HMBOX1: variants seen among roughly 807,000 people sequenced by gnomAD.
HMBOX1 encodes homeobox containing 1.
A neutral mutation model predicts 54.5 loss-of-function variants in HMBOX1; 14 were observed. The ratio of observed to expected loss-of-function variants is 0.26; its 90% CI spans 0.17 to 0.40. The LOEUF is 0.40. Among genes scored for constraint, HMBOX1 ranks in the 10% least tolerant of loss-of-function variants. The probability of loss-of-function intolerance (pLI) is 1.00; values close to 1 mark genes in which losing one functional copy is unlikely to be tolerated. For missense variants in HMBOX1, 332 were observed against 514.4 expected (o/e 0.65, Z 3.43); for synonymous variants, 160 against 181.0 (o/e 0.88, Z 0.93).
intron 4 of HMBOX1, among the ~76,000 whole-genome samples, chr8:29,002,498 C>G (rs912490086): frequency 6.6e-6 from 1 of 152,084 alleles, no homozygotes; most frequent in African/African-American, 2.4e-5. Flanking sequence ...GGTTGGAGGT[C>G]CCTTTGGAGG....
intron 4 of HMBOX1, among the ~76,000 whole-genome samples, chr8:28,983,681 G>A (rs1466300648): frequency 6.6e-6 from 1 of 152,180 alleles, no homozygotes; most frequent in South Asian, 2.1e-4. Flanking sequence ...TGTAAGAGGA[G>A]AACAGGTGAT....
chr8:29,045,298 G>T lies in HMBOX1; in HGVS notation c.852-63G>T, dbSNP rs574711685. ...ACAGAATATATTTTTCAGTGAGTTA[G>T]TGTTTTAATGAGAGTATGTTTGAAA... is the stretch of plus-strand genomic sequence containing the variant. On this transcript the variant is annotated intron_variant, in intron 6 of 9. Transcript: ENST00000287701. 2.1e-4 allele frequency: 257 copies of T among 1,212,106 alleles called. No individual in the cohort carries two copies. In the East Asian group the frequency reaches 3.9e-3, roughly 18 times the overall value. 75.1% of individuals were successfully genotyped at this position (1,212,106 alleles called of 1,614,324 possible).
At chr8:28,964,464 C>T (rs1167995063) in intron 2 of HMBOX1, among the ~76,000 whole-genome samples, 1 of 152,092 alleles carries the variant, frequency 6.6e-6, no homozygotes, top group Non-Finnish European at 1.5e-5. Context: ...TGAACTATAA[C>T]CACCAGTTCA....
chr8:28,971,086 CTTTTTTTTT>C (rs146543031), intron 3 of HMBOX1, among the ~76,000 whole-genome samples: 2 of 83,214 alleles, frequency 2.4e-5, no homozygotes, highest in Admixed American at 1.4e-4. Flanking sequence ...AAGAAATCTA[CTTTTTTTTT>C]TTTTTTTTTT....
intron 1 of HMBOX1, among the ~76,000 whole-genome samples, chr8:28,904,110 T>C (rs1813785418): frequency 6.6e-6 from 1 of 152,302 alleles, no homozygotes; most frequent in Non-Finnish European, 1.5e-5. Flanking sequence ...CAGTTGACAC[T>C]CTACATCAGT....
At position 29,051,736 on chromosome 8, in the gene HMBOX1, CTAAGAA is replaced by C; in HGVS notation, c.*583_*588del. 1.6e-6 allele frequency: 1 copy of C among 619,810 alleles called. No homozygotes were observed. The highest frequency in any genetic ancestry group is 3.0e-6 in the Non-Finnish European group (1 of 336,100). The allele number at this position is 619,810 out of a possible 1,614,324, so 38.4% of individuals were successfully genotyped here. A position where few individuals can be genotyped will look rare whatever the true frequency, so the allele number is the denominator to read the frequency against. On this transcript the variant is annotated 3_prime_UTR_variant, in exon 10 of 10. Transcript: ENST00000287701. Reference sequence around the variant, plus strand: ...AGATTATACTTCTTTGGGTGCTGTGCTAAGAATGTCAATGGAAAAAGCCGATCTCAG... The same window carrying C: ...AGATTATACTTCTTTGGGTGCTGTGCTGTCAATGGAAAAAGCCGATCTCAG...
intron 1 of HMBOX1, among the ~76,000 whole-genome samples, chr8:28,930,538 G>A (rs1374347741): frequency 1.3e-5 from 2 of 152,166 alleles, no homozygotes; most frequent in Non-Finnish European, 1.5e-5. Context: ...CATAAGTGAA[G>A]TATTATGCAA....
At chr8:28,891,968 T>C (rs1484024267) in intron 1 of HMBOX1, among the ~76,000 whole-genome samples, 1 of 152,220 alleles carries the variant, frequency 6.6e-6, no homozygotes, top group Non-Finnish European at 1.5e-5. Flanking sequence ...CAGAAACCTC[T>C]GGCTTCCCTC....
chr8:29,049,125 G>A, intron 9 of HMBOX1, 77 bp downstream of exon 9: 3 of 1,495,702 alleles, frequency 2.0e-6, no homozygotes, highest in South Asian at 1.1e-5. Flanking sequence ...TTCCTTGGGT[G>A]TGGCTGATGG....
chr8:28,928,293 C>T (rs1047102523), intron 1 of HMBOX1, among the ~76,000 whole-genome samples: 2 of 152,026 alleles, frequency 1.3e-5, no homozygotes, highest in African/African-American at 4.8e-5. Context: ...AGAAGTTAAC[C>T]AGTCTAAGAG....
chr8:28,922,283 C>CGTA (rs1817690208), intron 1 of HMBOX1, among the ~76,000 whole-genome samples: 1 of 151,940 alleles, frequency 6.6e-6, no homozygotes, highest in Non-Finnish European at 1.5e-5. Flanking sequence ...AGAGGTTGTG[C>CGTA]GTAGGTTCTT....
At chr8:28,913,088 G>C (rs189288147) in intron 1 of HMBOX1, among the ~76,000 whole-genome samples, 130 of 152,124 alleles carry the variant, frequency 8.5e-4, no homozygotes, top group Non-Finnish European at 1.6e-3. Context: ...TAGTCACCCT[G>C]ATCCAAGTCA....
At chr8:28,962,294 A>T (rs1198595387) in intron 1 of HMBOX1, among the ~76,000 whole-genome samples, 1 of 152,162 alleles carries the variant, frequency 6.6e-6, no homozygotes, top group East Asian at 1.9e-4. Flanking sequence ...AATATAACTG[A>T]CATAATTCAG....
At chr8:28,940,138 G>A (rs975022916) in intron 1 of HMBOX1, among the ~76,000 whole-genome samples, 1 of 152,052 alleles carries the variant, frequency 6.6e-6, no homozygotes, top group African/African-American at 2.4e-5. Flanking sequence ...CCTCCTGATA[G>A]CTAAGATTAC....
intron 1 of HMBOX1, among the ~76,000 whole-genome samples, chr8:28,927,365 G>A (rs1818704909): frequency 6.6e-6 from 1 of 152,060 alleles, no homozygotes; most frequent in South Asian, 2.1e-4. Context: ...TCTGAAGCTG[G>A]GTAATTTACA....
chr8:28,931,041 T>G (rs1162796535), intron 1 of HMBOX1, among the ~76,000 whole-genome samples: 3 of 152,318 alleles, frequency 2.0e-5, no homozygotes, highest in African/African-American at 7.2e-5. Context: ...TTGTCTGCCC[T>G]TTCTCCTCAA....
At chr8:28,891,760 C>T (rs977361390) in intron 1 of HMBOX1, 1 of 152,242 alleles carries the variant, frequency 6.6e-6, no homozygotes, top group African/African-American at 2.4e-5. Flanking sequence ...TGCCTGAAAG[C>T]TGGTGGAATG....
intron 1 of HMBOX1, among the ~76,000 whole-genome samples, chr8:28,927,512 A>G (rs1180476519): frequency 6.6e-6 from 1 of 151,962 alleles, no homozygotes; most frequent in Non-Finnish European, 1.5e-5. Context: ...CAGAGATCAC[A>G]TGGCAAGGTA....
At chr8:29,002,868 G>C (rs954005690) in intron 4 of HMBOX1, among the ~76,000 whole-genome samples, 10 of 152,094 alleles carry the variant, frequency 6.6e-5, no homozygotes, top group Admixed American at 6.5e-4. Context: ...TTTCTAAGGG[G>C]TGAGAATTTG....
Sources: allele counts gnomAD v4.1 joint callset (sites outside exome capture counted in the v4.1 genomes callset), GRCh38; gene constraint gnomAD v4.1.1; transcripts MANE v1.5; gene names NCBI Gene and HGNC (gene_info 2026-07-23, HGNC 2026-07-21).